BCAS1: variants seen among roughly 807,000 people sequenced by gnomAD.
The protein encoded by BCAS1 is brain enriched myelin associated protein 1.
In BCAS1, 46 loss-of-function variants were observed where a neutral mutation model predicts 65.4. The ratio of observed to expected loss-of-function variants is 0.70; its 90% CI spans 0.55 to 0.90. The LOEUF (loss-of-function observed/expected upper bound fraction) is 0.90, where lower values mean the gene tolerates loss of function less well. Among genes scored for constraint, BCAS1 ranks in the 40% least tolerant of loss-of-function variants. The pLI is 0.00. For missense variants in BCAS1, 793 were observed against 771.2 expected (o/e 1.03, Z -0.33); for synonymous variants, 298 against 293.5 (o/e 1.02, Z -0.16).
chr20:54,018,794 T>G (rs2091496408), intron 4 of BCAS1, among the ~76,000 whole-genome samples: 1 of 152,218 alleles, frequency 6.6e-6, no homozygotes, highest in Non-Finnish European at 1.5e-5. Flanking sequence ...GATTCTCAAC[T>G]GTACCCAAGA....
At chr20:54,026,911 A>T (rs531894974) in intron 4 of BCAS1, among the ~76,000 whole-genome samples, 43 of 152,264 alleles carry the variant, frequency 2.8e-4, no homozygotes, top group Non-Finnish European at 6.2e-4. Flanking sequence ...AGGTTTATTT[A>T]TTCACTTCTC....
rs537812668 is a variant in BCAS1 at position 54,066,363 on chromosome 20, G to C, written c.-6+4070C>G. Reference sequence around the variant, plus strand: ...CTGGGATTACAGGCGTGAGCCACCGGGCCCGGCCGAGGCAGGTATTTTTAT... The same window carrying C: ...CTGGGATTACAGGCGTGAGCCACCGCGCCCGGCCGAGGCAGGTATTTTTAT... On this transcript the variant is annotated intron_variant, in intron 1 of 12. Coordinates refer to ENST00000688948, the MANE Select transcript of BCAS1 (RefSeq NM_001366298.2). Among the ~76,000 whole-genome samples the C allele has an allele frequency of 8.4e-4, 128 of 152,278 alleles. 1 individual carries two copies. The Middle Eastern group carries it at 0.01, about 12-fold the overall frequency.
chr20:53,965,144 TG>T (rs1048797714), intron 10 of BCAS1, among the ~76,000 whole-genome samples: 2 of 152,344 alleles, frequency 1.3e-5, no homozygotes, highest in African/African-American at 4.8e-5. Flanking sequence ...GATGGGGTTT[TG>T]GCCATATGGG....
chr20:54,002,630 A>AAATATG (rs141736074), intron 4 of BCAS1, among the ~76,000 whole-genome samples: 2,743 of 152,314 alleles, frequency 0.018, 32 homozygotes, highest in Non-Finnish European at 0.024. Flanking sequence ...AGTGTATTTG[A>AAATATG]AATATGAACT....
At chr20:53,951,432 T>C (rs2089522219) in intron 12 of BCAS1, among the ~76,000 whole-genome samples, 1 of 152,068 alleles carries the variant, frequency 6.6e-6, no homozygotes. Flanking sequence ...GATTGCACCA[T>C]TGCACTCCAG....
intron 3 of BCAS1, among the ~76,000 whole-genome samples, chr20:54,053,248 T>A (rs948284533): frequency 6.6e-6 from 1 of 152,224 alleles, no homozygotes; most frequent in Non-Finnish European, 1.5e-5. Flanking sequence ...TTAAGATGAA[T>A]AATAATACCA....
At chr20:53,953,352 G>C in intron 12 of BCAS1, 80 bp downstream of exon 12, 3 of 1,553,090 alleles carry the variant, frequency 1.9e-6, no homozygotes, top group Non-Finnish European at 2.6e-6. Flanking sequence ...GCCACATGTA[G>C]AATTTGAAAA....
chr20:53,997,057 A>G (rs1316869166), intron 4 of BCAS1, among the ~76,000 whole-genome samples: 1 of 152,084 alleles, frequency 6.6e-6, no homozygotes, highest in African/African-American at 2.4e-5. Flanking sequence ...CTTTGGAGAG[A>G]TTGTCCCTAA....
chr20:53,948,121 C>T (rs1387989614), intron 12 of BCAS1, among the ~76,000 whole-genome samples: 1 of 152,158 alleles, frequency 6.6e-6, no homozygotes, highest in Non-Finnish European at 1.5e-5. Flanking sequence ...GGCAGCCATC[C>T]ATCCTGCCTC....
At chr20:53,959,572 T>A (rs144355782) in intron 10 of BCAS1, among the ~76,000 whole-genome samples, 2,608 of 152,192 alleles carry the variant, frequency 0.017, 50 homozygotes, top group Non-Finnish European at 0.023. Flanking sequence ...TTTTAAAAAA[T>A]TTTTTTGCAG....
chr20:53,946,532 TAGAG>T (rs201582655), intron 12 of BCAS1, among the ~76,000 whole-genome samples: 5,074 of 145,940 alleles, frequency 0.035, 276 homozygotes, highest in African/African-American at 0.11. Flanking sequence ...CACACACACA[TAGAG>T]AGAGTATAGT....
At chr20:53,950,720 G>GTT (rs2089492968) in intron 12 of BCAS1, among the ~76,000 whole-genome samples, 1 of 152,172 alleles carries the variant, frequency 6.6e-6, no homozygotes, top group African/African-American at 2.4e-5. Flanking sequence ...TATACCTCCA[G>GTT]CGCCTAGTTC....
intron 12 of BCAS1, among the ~76,000 whole-genome samples, chr20:53,946,287 G>T (rs1189437302): frequency 1.3e-5 from 2 of 151,652 alleles, no homozygotes; most frequent in Admixed American, 6.6e-5. Flanking sequence ...CGCAGACCCT[G>T]GCAAGCACCG....
intron 4 of BCAS1, among the ~76,000 whole-genome samples, chr20:54,004,155 G>C (rs1283351151): frequency 1.3e-5 from 2 of 152,194 alleles, no homozygotes; most frequent in Non-Finnish European, 2.9e-5. Flanking sequence ...ACTAGGTCAT[G>C]GGGTGGAGCC....
At chr20:53,999,763 C>T (rs1056199462) in intron 4 of BCAS1, among the ~76,000 whole-genome samples, 2 of 152,090 alleles carry the variant, frequency 1.3e-5, no homozygotes, top group African/African-American at 2.4e-5. Context: ...CAGAGTCTCA[C>T]TCTGTCACCC....
intron 4 of BCAS1, among the ~76,000 whole-genome samples, chr20:54,005,702 C>A (rs1413531871): frequency 2.0e-5 from 3 of 152,110 alleles, no homozygotes; most frequent in Admixed American, 1.3e-4. Flanking sequence ...TCAAGAGTGA[C>A]TGAACTAGAA....
intron 8 of BCAS1, among the ~76,000 whole-genome samples, chr20:53,979,883 C>T (rs73140318): frequency 1.6e-3 from 243 of 152,300 alleles, no homozygotes; most frequent in African/African-American, 4.2e-3. Context: ...GAAGAAATGA[C>T]ACTGGCTAGA....
At chr20:54,056,134 G>A (rs2092293285) in intron 3 of BCAS1, among the ~76,000 whole-genome samples, 2 of 152,054 alleles carry the variant, frequency 1.3e-5, no homozygotes, top group Admixed American at 1.3e-4. Flanking sequence ...TTGCTTACTT[G>A]AAATTTGCTA....
At chr20:53,957,340 G>T (rs1436040268) in intron 11 of BCAS1, 92 bp downstream of exon 11, 5 of 1,174,386 alleles carry the variant, frequency 4.3e-6, no homozygotes, top group East Asian at 4.7e-5. Context: ...AAATGAGTTG[G>T]CTGTGGCTGA....
Sources: allele counts gnomAD v4.1 joint callset (sites outside exome capture counted in the v4.1 genomes callset), GRCh38; gene constraint gnomAD v4.1.1; transcripts MANE v1.5; gene names NCBI Gene and HGNC (gene_info 2026-07-23, HGNC 2026-07-21).